INF2: variants seen among roughly 807,000 people sequenced by gnomAD.
INF2 encodes the protein inverted formin 2.
In INF2, 43 loss-of-function variants were observed where a neutral mutation model predicts 123.5. The ratio of observed to expected loss-of-function variants is 0.35; its 90% CI spans 0.27 to 0.45. The LOEUF (loss-of-function observed/expected upper bound fraction) is 0.45, where lower values mean the gene tolerates loss of function less well. Ranked by LOEUF, INF2 falls within the 20% of genes least tolerant of loss-of-function variation. The probability of loss-of-function intolerance (pLI) is 1.00; values close to 1 mark genes in which losing one functional copy is unlikely to be tolerated. For synonymous variants in INF2, 851 were observed against 745.0 expected, an observed-to-expected ratio of 1.14 and a Z score of -2.32; for missense variants, 1,453 against 1,682.7, an observed-to-expected ratio of 0.86 and a Z score of 2.39.
At chr14:104,693,437 T>A (rs924600033) in intron 1 of INF2, among the ~76,000 whole-genome samples, 40 of 152,212 alleles carry the variant, frequency 2.6e-4, no homozygotes, top group African/African-American at 9.6e-4. Flanking sequence ...CTTCCCATTT[T>A]GCAGACGAGG....
At chr14:104,707,120 G>C in intron 7 of INF2, 69 bp downstream of exon 7, 2 of 1,519,208 alleles carry the variant, frequency 1.3e-6, no homozygotes, top group Non-Finnish European at 1.8e-6. Context: ...ACCATGGGGG[G>C]GGGAGCCTGC....
chr14:104,704,313 A>T (rs1040365833), intron 5 of INF2: 1 of 573,978 alleles, frequency 1.7e-6, no homozygotes, highest in Non-Finnish European at 2.7e-6. Flanking sequence ...TGGACGCAAG[A>T]TGGAGACAGG....
chr14:104,699,465 G>A lies in INF2; in HGVS notation c.-9-1892G>A, dbSNP rs903904099. On this transcript the variant is annotated intron_variant, in intron 1 of 22. Transcript: ENST00000392634. This position sits in a 1 kb window ranked among gnomAD's most constrained non-coding sequence, Gnocchi z 4.7. ...GGAGGGGCGTTGGGGACCTGAGGCTGCCTGGGAGGGACCCGGCTGTCTCTG... is the reference window on the plus strand; with the variant it reads ...GGAGGGGCGTTGGGGACCTGAGGCTACCTGGGAGGGACCCGGCTGTCTCTG... The A allele has an allele frequency of 1.0e-6, 1 of 985,260 alleles. No homozygotes were observed. Among genetic ancestry groups the A allele is most frequent in the African/African-American group, 1.7e-5 (1 of 57,222 alleles). The allele number at this position is 985,260 out of a possible 1,614,324, so 61.0% of individuals were successfully genotyped here.
At chr14:104,709,999 C>G (rs1241219576) in intron 12 of INF2, 89 bp from the exon 13 acceptor site, 1 of 1,176,106 alleles carries the variant, frequency 8.5e-7, no homozygotes, top group African/African-American at 1.5e-5. Context: ...CTTTGCCCAC[C>G]ACCCAAGCCA....
chr14:104,711,756 C>A, intron 16 of INF2, 57 bp downstream of exon 16: 1 of 1,540,968 alleles, frequency 6.5e-7, no homozygotes, highest in Non-Finnish European at 8.9e-7. Context: ...GACTTCTGTC[C>A]CCAGGCAGTG....
Position 104,699,307 on chromosome 14 carries a change from A to G in INF2, c.-9-2050A>G, listed in dbSNP as rs1482245083. 3.9e-6 allele frequency: 3 copies of G among 774,084 alleles called. No homozygotes were observed. The highest frequency in any genetic ancestry group is 5.9e-5 in the South Asian group (1 of 17,088). The allele number at this position is 774,084 out of a possible 1,614,324, so 48.0% of individuals were successfully genotyped here. ...GCCAAGGGGACAGGGACTCCGGCCA[A>G]TGGAGGCGGGGGAGGAAAGGAGGGT... On this transcript the variant is annotated intron_variant, in intron 1 of 22. Transcript: ENST00000392634. This position sits in a 1 kb window ranked among gnomAD's most constrained non-coding sequence, Gnocchi z 4.7.
chr14:104,701,370 C>A lies in INF2; in HGVS notation c.5C>A (p.Ser2Ter). ...CTCTGCCTGCAGCTCGGCAAGATGTCGGTGAAGGAGGGCGCACAGCGCAAG... is the reference window on the plus strand; with the variant it reads ...CTCTGCCTGCAGCTCGGCAAGATGTAGGTGAAGGAGGGCGCACAGCGCAAG... M[S>*]VKEGAQRKWA... The change falls in exon 2 of 23, where the codon TCG (serine) becomes TAG (stop). Residue 2 changes from serine to a stop codon, truncating the protein, a stop_gained. Transcript: ENST00000392634. LOFTEE classifies it high-confidence loss of function. 6.3e-7 allele frequency: 1 copy of A among 1,580,424 alleles called. No homozygotes were observed. The highest frequency in any genetic ancestry group is 1.1e-5 in the South Asian group (1 of 87,020).
intron 1 of INF2, among the ~76,000 whole-genome samples, chr14:104,698,354 A>T (rs1889295805): frequency 6.6e-6 from 1 of 152,240 alleles, no homozygotes; most frequent in Non-Finnish European, 1.5e-5. Flanking sequence ...AGAACAGGCA[A>T]GGCTGTTTTT....
At position 104,719,105 on chromosome 14, in the gene INF2, C is replaced by CA; in HGVS notation, c.*312_*313insA. On this transcript the variant is annotated 3_prime_UTR_variant, in exon 23 of 23. Transcript: ENST00000392634. ...CCGGTGCAGCCTGCCAAGGGCCAGT[C>CA]GGGGGGTGCTGCGTCCTGCCAGTGT... The CA allele has an allele frequency of 2.0e-6, 1 of 492,872 alleles. No individual in the cohort carries two copies. The highest frequency in any genetic ancestry group is 3.5e-6 in the Non-Finnish European group (1 of 282,760). The allele number at this position is 492,872 out of a possible 1,614,324, so 30.5% of individuals were successfully genotyped here.
chr14:104,701,120 C>T (rs980453965), intron 1 of INF2, among the ~76,000 whole-genome samples: 1 of 152,116 alleles, frequency 6.6e-6, no homozygotes, highest in Non-Finnish European at 1.5e-5. Context: ...TCCTCATGCG[C>T]GCAGTAGGGC....
At position 104,707,806 on chromosome 14, in the gene INF2, C is replaced by T; in HGVS notation, c.1539C>T (p.Gly513=). The change falls in exon 8 of 23, where the codon GGC becomes GGT. Residue 513 remains glycine (G), a synonymous_variant. Transcript: ENST00000392634. ...CCCTGCTGCCTGGTATGGGCTGGGG[C>T]CCTCCTCCACCCCCACCTCCACTAC... is the stretch of plus-strand genomic sequence containing the variant. The part of the protein sequence containing the change: ...PPPLLPGMGW[G]PPPPPPPLLP... The T allele has an allele frequency of 9.8e-7, 1 of 1,016,024 alleles. No homozygotes were observed. The highest frequency in any genetic ancestry group is 1.4e-6 in the Non-Finnish European group (1 of 714,840). 62.9% of individuals were successfully genotyped at this position (1,016,024 alleles called of 1,614,324 possible).
At chr14:104,718,543 A>C (rs1890424843) in intron 22 of INF2, among the ~76,000 whole-genome samples, 2 of 152,134 alleles carry the variant, frequency 1.3e-5, no homozygotes, top group Admixed American at 1.3e-4. Context: ...ATCTCAGCAG[A>C]GAGGAGACAG....
At chr14:104,688,474 C>T (rs1888755271), upstream of INF2, among the ~76,000 whole-genome samples, 1 of 152,258 alleles carries the variant, frequency 6.6e-6, no homozygotes, top group Non-Finnish European at 1.5e-5. Context: ...GAGCCCTGGC[C>T]GCCACGGCCC....
intron 1 of INF2, among the ~76,000 whole-genome samples, chr14:104,683,266 C>T (rs1396983578): frequency 6.6e-6 from 1 of 152,142 alleles, no homozygotes; most frequent in African/African-American, 2.4e-5. Context: ...CCGTGGCTTC[C>T]TGGTGACCCT....
chr14:104,712,833 C>G lies in INF2; in HGVS notation c.2616C>G (p.Ser872Arg), dbSNP rs1566785104. The G allele has an allele frequency of 6.2e-7, 1 of 1,609,330 alleles. No individual in the cohort carries two copies. Residue 872 changes from serine (S) to arginine (R), a missense_variant, in exon 18 of 23, where the codon AGC becomes AGG. Physicochemically the swap from Ser to Arg is moderately radical, Grantham distance 110. This residue lies in a region of INF2 where 212 missense variants were observed against 266.2 expected (regional missense o/e 0.80). Transcript: ENST00000392634. ...TCACGTGCCCTTGCCCCCAGGCCAG[C>G]ATCTCGGCCTTCCGGGCACTGGATG... ...QEQYTERLQA[S>R]ISAFRALDEL... is the part of the protein sequence containing the mutation.
upstream of INF2, among the ~76,000 whole-genome samples, chr14:104,686,320 G>C (rs1369080279): frequency 6.6e-6 from 1 of 151,564 alleles, no homozygotes; most frequent in Non-Finnish European, 1.5e-5. Flanking sequence ...TGGGTGGATG[G>C]GTGGATGAGT....
chr14:104,701,624 C>G lies in INF2; in HGVS notation c.259C>G (p.Arg87Gly). 1 of 1,602,738 alleles carries G rather than the reference C, an allele frequency of 6.2e-7. No individual in the cohort carries two copies. The highest frequency in any genetic ancestry group is 1.1e-5 in the South Asian group (1 of 90,398). Reference protein sequence around the residue: ...LLEALARLSGRGVARISDALL... With the variant: ...LLEALARLSGGGVARISDALL... ...GGAGGCGCTGGCGCGGCTGTCGGGC[C>G]GCGGCGTTGCACGTATCTCCGACGC... Residue 87 changes from arginine to glycine, a missense_variant, in exon 2 of 23, where the codon CGC becomes GGC. This residue lies in a region of INF2 where 251 missense variants were observed against 349.4 expected (regional missense o/e 0.72). Transcript: ENST00000392634.
rs1350470928 is a variant in INF2 at position 104,703,299 on chromosome 14, T to C, written c.512T>C (p.Val171Ala). 4 of 1,610,854 alleles carry C rather than the reference T, an allele frequency of 2.5e-6. No homozygotes were observed. The highest frequency in any genetic ancestry group is 3.3e-5 in the Admixed American group (2 of 60,008). ...CTGACCCCGCCCTCCCCACAGACGG[T>C]GTGCAGCCAGCAGTACCGCTTCAGC... ...TLDALDHYKT[V>A]CSQQYRFSIV... Residue 171 changes from valine (V) to alanine (A), a missense_variant, in exon 4 of 23, where the codon GTG (valine) becomes GCG (alanine). By Grantham distance (64) the Val-to-Ala change is moderately conservative. Transcript: ENST00000392634.
chr14:104,697,051 G>A (rs1375941047), intron 1 of INF2, among the ~76,000 whole-genome samples: 1 of 152,218 alleles, frequency 6.6e-6, no homozygotes, highest in East Asian at 1.9e-4. Context: ...CCACCCCAGG[G>A]CTGCCAGGCT....
Sources: allele counts gnomAD v4.1 joint callset (sites outside exome capture counted in the v4.1 genomes callset), GRCh38; gene constraint gnomAD v4.1.1; regional missense constraint gnomAD v4.1.1; non-coding constraint Gnocchi (gnomAD v3.1); transcripts MANE v1.5; gene names NCBI Gene and HGNC (gene_info 2026-07-23, HGNC 2026-07-21).